The following SLC35D4 variants were observed in gnomAD, a reference collection of about 807,000 sequenced individuals.
SLC35D4 encodes the protein UDP-N-acetylglucosamine transporter SLC35D4.
At chr18:23,384,809 G>A in the SLC35D4 span, among the ~76,000 whole-genome samples, 2 of 152,196 alleles carry the variant, frequency 1.3e-5, no homozygotes, top group South Asian at 4.1e-4. Flanking sequence ...TCCCACATAT[G>A]TCTGGTGAAT....
At chr18:23,424,605 G>A in the SLC35D4 span, among the ~76,000 whole-genome samples, 1 of 152,194 alleles carries the variant, frequency 6.6e-6, no homozygotes, top group Non-Finnish European at 1.5e-5. Flanking sequence ...CTTTAGAGAT[G>A]TGGAAAGACA....
chr18:23,358,690 G>A, the SLC35D4 span, among the ~76,000 whole-genome samples: 2 of 152,072 alleles, frequency 1.3e-5, no homozygotes, highest in African/African-American at 4.8e-5. Flanking sequence ...CACCCACTGT[G>A]TGTCAGCACC....
chr18:23,308,876 C>CTCTCTCTCTCTCTG, the SLC35D4 span, among the ~76,000 whole-genome samples: 569 of 140,046 alleles, frequency 4.1e-3, 2 homozygotes, highest in Non-Finnish European at 5.9e-3. Context: ...CTCTCTCTCT[C>CTCTCTCTCTCTCTG]TGTGTGTGTG....
the SLC35D4 span, among the ~76,000 whole-genome samples, chr18:23,286,426 T>C: frequency 6.6e-6 from 1 of 152,148 alleles, no homozygotes; most frequent in Non-Finnish European, 1.5e-5. Flanking sequence ...GAAATCGGAC[T>C]CTTCAACTCA....
At chr18:23,415,930 G>A in the SLC35D4 span, among the ~76,000 whole-genome samples, 5 of 152,156 alleles carry the variant, frequency 3.3e-5, no homozygotes, top group East Asian at 1.9e-4. Context: ...TGTGTTGGCC[G>A]GGCATGGTGG....
At chr18:23,286,819 G>A in the SLC35D4 span, among the ~76,000 whole-genome samples, 67 of 151,740 alleles carry the variant, frequency 4.4e-4, no homozygotes, top group Non-Finnish European at 8.4e-4. Context: ...TTATTAGGCC[G>A]AGACACTTTA....
At chr18:23,419,770 A>G in the SLC35D4 span, among the ~76,000 whole-genome samples, 3 of 152,184 alleles carry the variant, frequency 2.0e-5, no homozygotes, top group African/African-American at 4.8e-5. Flanking sequence ...ATCAATGTTA[A>G]TATCTCCAGA....
chr18:23,422,260 C>A, the SLC35D4 span, among the ~76,000 whole-genome samples: 2 of 151,946 alleles, frequency 1.3e-5, no homozygotes, highest in African/African-American at 4.8e-5. Flanking sequence ...CCAATAGATA[C>A]CGTTTCAACC....
chr18:23,364,361 T>C, the SLC35D4 span, among the ~76,000 whole-genome samples: 1 of 152,128 alleles, frequency 6.6e-6, no homozygotes, highest in African/African-American at 2.4e-5. Context: ...GGCCACTCAG[T>C]GGGGGAGCCA....
the SLC35D4 span, among the ~76,000 whole-genome samples, chr18:23,313,960 G>A: frequency 4.6e-5 from 7 of 152,220 alleles, no homozygotes; most frequent in African/African-American, 1.4e-4. Flanking sequence ...CTTATGACTA[G>A]AACCTTGACT....
At chr18:23,432,537 C>T in the SLC35D4 span, among the ~76,000 whole-genome samples, 388 of 151,934 alleles carry the variant, frequency 2.6e-3, no homozygotes, top group African/African-American at 8.8e-3. Context: ...AAAAATTAGC[C>T]GGGCGTGGTG....
At chr18:23,321,710 C>T in the SLC35D4 span, among the ~76,000 whole-genome samples, 3 of 152,218 alleles carry the variant, frequency 2.0e-5, no homozygotes, top group Non-Finnish European at 4.4e-5. Context: ...CAGCCATGGC[C>T]TCCCAAAGTG....
chr18:23,338,895 A>G, the SLC35D4 span, among the ~76,000 whole-genome samples: 2 of 152,092 alleles, frequency 1.3e-5, no homozygotes, highest in Admixed American at 6.6e-5. Flanking sequence ...ATCTCATGCC[A>G]TAAGTGTAAC....
chr18:23,257,465 C>T, the SLC35D4 span: 1 of 1,323,926 alleles, frequency 7.6e-7, no homozygotes, highest in Admixed American at 2.8e-5. Context: ...CTCAGAATAC[C>T]AGACTTTTCT....
chr18:23,423,693 C>A, the SLC35D4 span, among the ~76,000 whole-genome samples: 1 of 152,140 alleles, frequency 6.6e-6, no homozygotes, highest in Non-Finnish European at 1.5e-5. Context: ...CTACTGAGGG[C>A]AACTAACCTA....
chr18:23,246,545 C>T, the SLC35D4 span, among the ~76,000 whole-genome samples: 2 of 151,950 alleles, frequency 1.3e-5, no homozygotes, highest in Non-Finnish European at 2.9e-5. Flanking sequence ...GCACCCGCCA[C>T]CACACCCGGC....
the SLC35D4 span, among the ~76,000 whole-genome samples, chr18:23,318,587 T>C: frequency 6.6e-6 from 1 of 152,210 alleles, no homozygotes; most frequent in Admixed American, 6.5e-5. Flanking sequence ...CATAGAGCCA[T>C]TCATTTATTC....
At chr18:23,244,676 C>T in the SLC35D4 span, among the ~76,000 whole-genome samples, 4 of 152,236 alleles carry the variant, frequency 2.6e-5, no homozygotes, top group Admixed American at 6.5e-5. Context: ...AGCCTAATTT[C>T]GCAGTGGCTG....
At chr18:23,365,498 G>A in the SLC35D4 span, 1 of 961,474 alleles carries the variant, frequency 1.0e-6, no homozygotes, top group Non-Finnish European at 1.5e-6. Flanking sequence ...TTTCAAATAG[G>A]TGGGACCTTC....
Sources: gnomAD v4.1 joint callset for allele counts (sites outside exome capture counted in the v4.1 genomes callset) on GRCh38, gnomAD v4.1.1 for gene constraint, MANE v1.5 for transcripts, NCBI Gene and HGNC (gene_info 2026-07-23, HGNC 2026-07-21) for gene names.